GLRA1: variants seen among roughly 807,000 people sequenced by gnomAD.
The protein encoded by GLRA1 is glycine receptor subunit alpha-1.
Under a neutral mutation model 48.3 loss-of-function variants are expected in GLRA1, and 37 were observed. The ratio of observed to expected loss-of-function variants is 0.77; its 90% CI spans 0.59 to 1.01. GLRA1 has a LOEUF of 1.01. Among genes scored for constraint, GLRA1 ranks in the 50% least tolerant of loss-of-function variants. The probability of loss-of-function intolerance (pLI) is 0.00; values close to 1 mark genes in which losing one functional copy is unlikely to be tolerated. For missense variants in GLRA1, 427 were observed against 571.0 expected, an observed-to-expected ratio of 0.75 and a Z score of 2.57; for synonymous variants, 196 against 210.7, an observed-to-expected ratio of 0.93 and a Z score of 0.60.
intron 7 of GLRA1, among the ~76,000 whole-genome samples, chr5:151,830,881 C>T (rs10058885): frequency 0.16 from 24,953 of 152,196 alleles, 2,156 homozygotes; most frequent in African/African-American, 0.2. Flanking sequence ...GGAACAGCTC[C>T]GGTCTGCAGC....
chr5:151,867,083 C>A (rs1385951506), intron 3 of GLRA1, among the ~76,000 whole-genome samples: 1 of 152,052 alleles, frequency 6.6e-6, no homozygotes, highest in African/African-American at 2.4e-5. Flanking sequence ...TGCACTCCGG[C>A]CTGGGTAACA....
In GLRA1 at chr5:151,890,629, G is replaced by A. The variant is rs115447360; in HGVS notation, c.184+1682C>T. On this transcript the variant is annotated intron_variant, in intron 2 of 8. Transcript: ENST00000274576. ...TGGATGGCCTGGCTGAACAGGGTCT[G>A]CATTCCTGCCTAACAGCCATCAACA... is the stretch of plus-strand genomic sequence containing the variant. 8.4e-3 allele frequency among the ~76,000 whole-genome samples: 1,287 copies of A among 152,332 alleles called. 20 individuals carry two copies. The highest frequency in any genetic ancestry group is 0.029 in the African/African-American group (1,216 of 41,576).
Position 151,856,201 on chromosome 5 carries a change from T to C in GLRA1, c.559+100A>G. The C allele has an allele frequency of 1.9e-5, 15 of 781,522 alleles. 2 individuals are homozygous for C. In the South Asian group the frequency reaches 2.1e-4, roughly 11 times the overall value. 48.4% of individuals were successfully genotyped at this position (781,522 alleles called of 1,614,324 possible). A position where few individuals can be genotyped will look rare whatever the true frequency, so the allele number is the denominator to read the frequency against. ...ATTTTGGGTTATTACAGTAATCTCC[T>C]GGGGTCTAGTGGTTAGGAGCAGCTG... On this transcript the variant is annotated intron_variant, in intron 5 of 8. Coordinates refer to ENST00000274576, the MANE Select transcript of GLRA1 (RefSeq NM_000171.4).
At chr5:151,908,967 T>G (rs545656129) in intron 1 of GLRA1, among the ~76,000 whole-genome samples, 10 of 152,284 alleles carry the variant, frequency 6.6e-5, no homozygotes, top group African/African-American at 2.4e-4. Flanking sequence ...GGGTCCTAGG[T>G]TGGTAAGATC....
chr5:151,876,097 A>G (rs1753622561), intron 3 of GLRA1, among the ~76,000 whole-genome samples: 1 of 152,212 alleles, frequency 6.6e-6, no homozygotes, highest in Non-Finnish European at 1.5e-5. Flanking sequence ...TGAAAGGTTT[A>G]TCTTCATGCT....
intron 7 of GLRA1, among the ~76,000 whole-genome samples, chr5:151,834,383 A>C (rs898555420): frequency 2.0e-5 from 3 of 152,214 alleles, no homozygotes; most frequent in Non-Finnish European, 4.4e-5. Flanking sequence ...CTACTGGGTA[A>C]ATAACGAAAT....
chr5:151,874,375 A>T (rs1292430535), intron 3 of GLRA1, among the ~76,000 whole-genome samples: 1 of 152,172 alleles, frequency 6.6e-6, no homozygotes, highest in Non-Finnish European at 1.5e-5. Flanking sequence ...CCTCCACATG[A>T]CCCCTTGAAT....
At chr5:151,919,413 A>T (rs1754818457) in intron 1 of GLRA1, among the ~76,000 whole-genome samples, 1 of 152,208 alleles carries the variant, frequency 6.6e-6, no homozygotes, top group Admixed American at 6.5e-5. Flanking sequence ...ATGTTTTCTC[A>T]TCATAATAAA....
In GLRA1 at chr5:151,859,700, G is replaced by A. The variant is rs1168968704; in HGVS notation, c.476+85C>T. 5 of 983,540 alleles carry A rather than the reference G, an allele frequency of 5.1e-6. No homozygotes were observed. In the African/African-American group the frequency reaches 6.4e-5, roughly 13 times the overall value. The allele number at this position is 983,540 out of a possible 1,614,324, so 60.9% of individuals were successfully genotyped here. A position where few individuals can be genotyped will look rare whatever the true frequency, so the allele number is the denominator to read the frequency against. On this transcript the variant is annotated intron_variant, in intron 4 of 8. Coordinates refer to ENST00000274576, the MANE Select transcript of GLRA1 (RefSeq NM_000171.4). The stretch of plus-strand genomic sequence containing the variant: ...GCCAGGGCCTGTTCACCTCTGTTTG[G>A]CCCCTCTTTTAGAGTCTATGCCCAG...
chr5:151,822,571 G>T lies in GLRA1; in HGVS notation c.*102C>A. 2 of 817,112 alleles carry T rather than the reference G, an allele frequency of 2.4e-6. No homozygotes were observed. The highest frequency in any genetic ancestry group is 4.3e-6 in the Non-Finnish European group (2 of 466,434). The allele number at this position is 817,112 out of a possible 1,614,324, so 50.6% of individuals were successfully genotyped here. A position where few individuals can be genotyped will look rare whatever the true frequency, so the allele number is the denominator to read the frequency against. On this transcript the variant is annotated 3_prime_UTR_variant, in exon 9 of 9. Transcript: ENST00000274576. ...ACATATTGCAGAGAGAGTTGTGTAA[G>T]TGTGCCCCCTCCCTCCGTTCCCCTT...
chr5:151,854,273 A>G (rs932198691), intron 6 of GLRA1, among the ~76,000 whole-genome samples: 3 of 152,210 alleles, frequency 2.0e-5, no homozygotes, highest in Non-Finnish European at 4.4e-5. Context: ...GGCTGCCTGT[A>G]CCTTCACTGG....
intron 3 of GLRA1, among the ~76,000 whole-genome samples, chr5:151,861,866 T>C (rs931190853): frequency 5.9e-5 from 9 of 152,194 alleles, no homozygotes; most frequent in African/African-American, 2.2e-4. Flanking sequence ...CAAGGTAATT[T>C]ATAGATTCAA....
intron 1 of GLRA1, among the ~76,000 whole-genome samples, chr5:151,895,482 C>G (rs1754206311): frequency 6.6e-6 from 1 of 152,176 alleles, no homozygotes; most frequent in Non-Finnish European, 1.5e-5. Context: ...AGTTACTTAA[C>G]TTGTCTGAGC....
chr5:151,870,187 G>T (rs931352183), intron 3 of GLRA1, among the ~76,000 whole-genome samples: 2 of 149,468 alleles, frequency 1.3e-5, no homozygotes, highest in African/African-American at 5.1e-5. Flanking sequence ...CAGACAGGTT[G>T]GTGCATAAAT....
At chr5:151,856,575 A>T (rs917101336) in intron 4 of GLRA1, among the ~76,000 whole-genome samples, 192 bp from the exon 5 acceptor site, 1 of 152,144 alleles carries the variant, frequency 6.6e-6, no homozygotes, top group African/African-American at 2.4e-5. Flanking sequence ...CTGGAGCGCA[A>T]TGATGCAATA....
chr5:151,873,465 G>C (rs1194524676), intron 3 of GLRA1, among the ~76,000 whole-genome samples: 2 of 150,134 alleles, frequency 1.3e-5, no homozygotes, highest in Admixed American at 1.3e-4. Context: ...TTTGAGACCA[G>C]CCTGGCCAAT....
intron 1 of GLRA1, among the ~76,000 whole-genome samples, chr5:151,912,068 G>A (rs1200544124): frequency 6.6e-6 from 1 of 152,152 alleles, no homozygotes; most frequent in Non-Finnish European, 1.5e-5. Context: ...ATTTGCAGGG[G>A]AAGGAAAATC....
chr5:151,835,135 A>AT (rs1763540524), intron 7 of GLRA1, among the ~76,000 whole-genome samples: 1 of 152,124 alleles, frequency 6.6e-6, no homozygotes, highest in South Asian at 2.1e-4. Context: ...ATCAGAGAAT[A>AT]TTGTAAACAC....
At chr5:151,859,702 C>T (rs1753144348) in intron 4 of GLRA1, 83 bp downstream of exon 4, 4 of 1,024,072 alleles carry the variant, frequency 3.9e-6, no homozygotes, top group South Asian at 1.3e-5. Context: ...TCTGTTTGGC[C>T]CCTCTTTTAG....
Sources: gnomAD v4.1 joint callset for allele counts (sites outside exome capture counted in the v4.1 genomes callset) on GRCh38, gnomAD v4.1.1 for gene constraint, MANE v1.5 for transcripts, NCBI Gene and HGNC (gene_info 2026-07-23, HGNC 2026-07-21) for gene names.